PSD2: variants seen among roughly 807,000 people sequenced by gnomAD.
PSD2 encodes PH and SEC7 domain-containing protein 2.
A neutral mutation model predicts 69.8 loss-of-function variants in PSD2; 38 were observed. That is an observed-to-expected ratio of 0.54 (90% CI 0.42 to 0.71). The LOEUF is 0.71. Among genes scored for constraint, PSD2 ranks in the 30% least tolerant of loss-of-function variants. PSD2 has a pLI of 0.00. For synonymous variants in PSD2, 412 were observed against 423.0 expected, an observed-to-expected ratio of 0.97 and a Z score of 0.32; for missense variants, 943 against 1,014.5, an observed-to-expected ratio of 0.93 and a Z score of 0.96.
At chr5:139,799,715 T>A (rs1235671417) in intron 1 of PSD2, among the ~76,000 whole-genome samples, 3 of 151,088 alleles carry the variant, frequency 2.0e-5, no homozygotes, top group African/African-American at 7.3e-5. Context: ...CTGCTGCTTG[T>A]GGCATATAGA....
the PSD2 span, among the ~76,000 whole-genome samples, chr5:139,769,370 G>A: frequency 6.6e-6 from 1 of 152,140 alleles, no homozygotes; most frequent in African/African-American, 2.4e-5. Flanking sequence ...CTTCTAGACA[G>A]GGGTGGCATG....
At chr5:139,810,480 G>A (rs1387015645) in intron 2 of PSD2, among the ~76,000 whole-genome samples, 2 of 152,206 alleles carry the variant, frequency 1.3e-5, no homozygotes, top group Admixed American at 6.5e-5. Flanking sequence ...GGCCTGAAAG[G>A]GCAGTGTACG....
At chr5:139,788,777 C>A in the PSD2 span, among the ~76,000 whole-genome samples, 12 of 152,204 alleles carry the variant, frequency 7.9e-5, no homozygotes, top group African/African-American at 2.9e-4. Flanking sequence ...GGGCTTTGTC[C>A]ACCAGCCCTG....
At chr5:139,792,163 G>A (rs535900690), upstream of PSD2, among the ~76,000 whole-genome samples, 61 of 151,594 alleles carry the variant, frequency 4.0e-4, no homozygotes, top group Admixed American at 6.6e-4. Context: ...TCTTGGGGTC[G>A]TGGGGGTGCT....
chr5:139,752,874 G>C, the PSD2 span, among the ~76,000 whole-genome samples: 4 of 152,078 alleles, frequency 2.6e-5, no homozygotes, highest in African/African-American at 9.7e-5. Context: ...ACACGGCAGC[G>C]CCCCTGCCCG....
At position 139,842,577 on chromosome 5, in the gene PSD2, T is replaced by C; in HGVS notation, c.*103T>C. 9.5e-7 allele frequency: 1 copy of C among 1,052,948 alleles called. No individual in the cohort carries two copies. The highest frequency in any genetic ancestry group is 1.4e-5 in the South Asian group (1 of 70,626). 65.2% of individuals were successfully genotyped at this position (1,052,948 alleles called of 1,614,324 possible). Reference sequence around the variant, plus strand: ...CTTGGACCAAGCTCCAGTCAGTTGATGGGCAGCTAGAGGGGTGCAGAAAGC... The same window carrying C: ...CTTGGACCAAGCTCCAGTCAGTTGACGGGCAGCTAGAGGGGTGCAGAAAGC... On this transcript the variant is annotated 3_prime_UTR_variant, in exon 15 of 15. Coordinates refer to ENST00000274710, the MANE Select transcript of PSD2 (RefSeq NM_032289.4).
At chr5:139,778,867 T>C in the PSD2 span, among the ~76,000 whole-genome samples, 1 of 146,160 alleles carries the variant, frequency 6.8e-6, no homozygotes, top group Non-Finnish European at 1.5e-5. Flanking sequence ...ATGTCGAGGC[T>C]GCAGTGAGCC....
At chr5:139,753,809 C>T in the PSD2 span, among the ~76,000 whole-genome samples, 1 of 150,560 alleles carries the variant, frequency 6.6e-6, no homozygotes, top group African/African-American at 2.5e-5. Flanking sequence ...CCTCCCTGTT[C>T]CCAGAGTTGT....
intron 9 of PSD2, among the ~76,000 whole-genome samples, chr5:139,836,181 C>A (rs895705596): frequency 6.6e-6 from 1 of 152,196 alleles, no homozygotes; most frequent in Admixed American, 6.5e-5. Flanking sequence ...GGGGAGAGTG[C>A]CCTCTAACTT....
chr5:139,765,823 T>C, the PSD2 span, among the ~76,000 whole-genome samples: 3 of 152,062 alleles, frequency 2.0e-5, no homozygotes, highest in African/African-American at 7.2e-5. Flanking sequence ...CCCCTCCGGG[T>C]CCGCCGCCAC....
At chr5:139,809,957 G>A in intron 2 of PSD2, 146 bp downstream of exon 2, 1 of 924,834 alleles carries the variant, frequency 1.1e-6, no homozygotes, top group South Asian at 1.7e-5. Context: ...CCAGATTCTG[G>A]GTGTTTTGAA....
the PSD2 span, among the ~76,000 whole-genome samples, chr5:139,785,083 A>G: frequency 9.2e-5 from 14 of 151,592 alleles, no homozygotes; most frequent in Non-Finnish European, 1.9e-4. Flanking sequence ...CTTTTGTTCA[A>G]CTTCATCCTT....
intron 12 of PSD2, 104 bp from the exon 13 acceptor site, chr5:139,838,524 T>C: frequency 7.9e-7 from 1 of 1,272,464 alleles, no homozygotes; most frequent in East Asian, 2.4e-5. Flanking sequence ...CTAGAGGTAC[T>C]GGTGCCTTCT....
At chr5:139,828,752 G>T (rs904570089) in intron 7 of PSD2, among the ~76,000 whole-genome samples, 1 of 152,126 alleles carries the variant, frequency 6.6e-6, no homozygotes, top group Non-Finnish European at 1.5e-5. Context: ...GTGGGAAAAG[G>T]CCTGGCTCCT....
At chr5:139,764,549 G>A in the PSD2 span, among the ~76,000 whole-genome samples, 1 of 152,188 alleles carries the variant, frequency 6.6e-6, no homozygotes, top group African/African-American at 2.4e-5. Flanking sequence ...GTTGCCAGGA[G>A]CAGTCAGGAT....
chr5:139,786,326 G>A, the PSD2 span, among the ~76,000 whole-genome samples: 1 of 152,064 alleles, frequency 6.6e-6, no homozygotes, highest in Non-Finnish European at 1.5e-5. Context: ...GGTTGAGACC[G>A]GAGCGAACAA....
At chr5:139,830,000 CT>C (rs929113143) in intron 7 of PSD2, among the ~76,000 whole-genome samples, 4 of 110,540 alleles carry the variant, frequency 3.6e-5, no homozygotes, top group South Asian at 2.8e-4. Context: ...CAACCCTTTT[CT>C]TTTTTTTTGA....
At chr5:139,797,654 G>A (rs1016770405) in intron 1 of PSD2, among the ~76,000 whole-genome samples, 2 of 152,140 alleles carry the variant, frequency 1.3e-5, no homozygotes, top group South Asian at 4.1e-4. Flanking sequence ...GTGGCTGGGG[G>A]GTATTACCTC....
rs367778899 is a variant in PSD2, at chr5:139,816,863, C to T, written c.1017-618C>T. 2.0e-4 allele frequency among the ~76,000 whole-genome samples: 31 copies of T among 152,348 alleles called. No individual in the cohort carries two copies. In the South Asian group the frequency reaches 3.9e-3, roughly 19 times the overall value. ...CAGCTGTGAATTGATGACTCTCACA[C>T]GGATGCCTCGTCCTGAAGTCTCACA... On this transcript the variant is annotated intron_variant, in intron 4 of 14. Transcript: ENST00000274710.
Sources: allele counts gnomAD v4.1 joint callset (sites outside exome capture counted in the v4.1 genomes callset), GRCh38; gene constraint gnomAD v4.1.1; transcripts MANE v1.5; gene names NCBI Gene and HGNC (gene_info 2026-07-23, HGNC 2026-07-21).